Variants in RBM19 observed in about 807,000 individuals in gnomAD.
The protein encoded by RBM19 is probable RNA-binding protein 19.
Under a neutral mutation model 116.8 loss-of-function variants are expected in RBM19, and 94 were observed. That is an observed-to-expected ratio of 0.80 (90% CI 0.68 to 0.95). The LOEUF (loss-of-function observed/expected upper bound fraction) is 0.95. Ranked by LOEUF, RBM19 falls within the 40% of genes least tolerant of loss-of-function variation. The pLI is 0.00. For synonymous variants in RBM19, 475 were observed against 494.1 expected, an observed-to-expected ratio of 0.96 and a Z score of 0.51; for missense variants, 1,161 against 1,220.7, an observed-to-expected ratio of 0.95 and a Z score of 0.73.
At chr12:113,926,915 A>G (rs1386928367) in intron 17 of RBM19, 139 bp downstream of exon 17, 4 of 996,910 alleles carry the variant, frequency 4.0e-6, no homozygotes, top group African/African-American at 3.2e-5. Context: ...GAAAGGGTCA[A>G]GTAGGTGGTG....
intron 16 of RBM19, among the ~76,000 whole-genome samples, chr12:113,930,381 G>T (rs1366764837): frequency 6.6e-6 from 1 of 152,200 alleles, no homozygotes. Flanking sequence ...CTGGTGTGCT[G>T]CAAAGGGCAT....
Position 113,944,093 on chromosome 12 carries a change from GTTTTT to G in RBM19, c.1627-1664_1627-1660del, listed in dbSNP as rs71433305. On this transcript the variant is annotated intron_variant, in intron 13 of 23. Transcript: ENST00000261741. ...CAGCTGCCTCTAACTCCAGATGCAT[GTTTTT>G]TTTTTTTTTTTTTTTTTTTGGGGCA... Among the ~76,000 whole-genome samples the G allele has an allele frequency of 7.5e-3, 507 of 67,680 alleles. 7 individuals carry two copies. Among genetic ancestry groups the G allele is most frequent in the African/African-American group, 0.028 (445 of 15,890 alleles). The allele number at this position is 67,680 out of a possible 152,430, so 44.4% of individuals were successfully genotyped here.
At chr12:113,844,521 C>T in intron 23 of RBM19, 147 bp downstream of exon 23, 1 of 1,129,692 alleles carries the variant, frequency 8.9e-7, no homozygotes, top group Non-Finnish European at 1.2e-6. Flanking sequence ...TCTGGAGGGG[C>T]TGTGGGAGGA....
intron 20 of RBM19, among the ~76,000 whole-genome samples, chr12:113,915,424 G>A (rs1403496743): frequency 6.6e-6 from 1 of 152,168 alleles, no homozygotes; most frequent in Non-Finnish European, 1.5e-5. Flanking sequence ...CAGTTGCAAA[G>A]AAAGACCCCA....
In RBM19 at chr12:113,823,204, C is replaced by T. The variant is rs1284985138; in HGVS notation, c.*20G>A. The T allele has an allele frequency of 4.4e-6, 7 of 1,604,346 alleles. No individual in the cohort carries two copies. Among genetic ancestry groups the T allele is most frequent in the Non-Finnish European group, 5.9e-6 (7 of 1,177,978 alleles). ...CCCGGTCCCCAGGGCCCCGGAGCCA[C>T]ACACCCTCTCGGTGCCAGCTCACAG... On this transcript the variant is annotated 3_prime_UTR_variant, in exon 24 of 24. Transcript: ENST00000261741.
intron 22 of RBM19, among the ~76,000 whole-genome samples, chr12:113,853,569 G>A (rs181103473): frequency 5.9e-5 from 9 of 152,334 alleles, no homozygotes; most frequent in East Asian, 3.9e-4. Flanking sequence ...TTCCCCTTCC[G>A]TGTTGCCCTT....
intron 22 of RBM19, among the ~76,000 whole-genome samples, chr12:113,852,917 G>A (rs1242703719): frequency 6.6e-6 from 1 of 152,232 alleles, no homozygotes; most frequent in Non-Finnish European, 1.5e-5. Flanking sequence ...AATAGCGATG[G>A]TTTACTGTGC....
intron 23 of RBM19, among the ~76,000 whole-genome samples, chr12:113,844,044 G>A (rs79700846): frequency 9.8e-4 from 150 of 152,344 alleles, no homozygotes; most frequent in Non-Finnish European, 1.7e-3. Flanking sequence ...TGAGCCTAGG[G>A]CCCTGCTTGG....
chr12:113,870,239 G>A (rs1254454292), intron 21 of RBM19, among the ~76,000 whole-genome samples: 4 of 152,198 alleles, frequency 2.6e-5, no homozygotes, highest in African/African-American at 9.7e-5. Flanking sequence ...GCTGCCTGCT[G>A]CCTGCTGATG....
intron 23 of RBM19, among the ~76,000 whole-genome samples, chr12:113,837,426 C>T (rs1876061200): frequency 6.6e-6 from 1 of 152,184 alleles, no homozygotes; most frequent in South Asian, 2.1e-4. Context: ...AGAGTGAGTG[C>T]CCCGAAGGAC....
At position 113,950,159 on chromosome 12, in the gene RBM19, C is replaced by CA; in HGVS notation, c.1001-6dup. On this transcript the variant is annotated splice_polypyrimidine_tract_variant and splice_region_variant and intron_variant, in intron 8 of 23. Transcript: ENST00000261741. ...TGAAATCCACAAAGATGTATCCTGA[C>CA]AGAGGACAATGACAGAGGTAAAATC... The CA allele has an allele frequency of 6.2e-7, 1 of 1,604,220 alleles. No individual in the cohort carries two copies. Among genetic ancestry groups the CA allele is most frequent in the Non-Finnish European group, 8.5e-7 (1 of 1,171,356 alleles).
rs1311745880 is a variant in RBM19 at position 113,947,477 on chromosome 12, G to A, written c.1277-13C>T. The A allele has an allele frequency of 1.3e-6, 2 of 1,587,316 alleles. No individual in the cohort carries two copies. Among genetic ancestry groups the A allele is most frequent in the South Asian group, 2.2e-5 (2 of 89,598 alleles). On this transcript the variant is annotated splice_polypyrimidine_tract_variant and intron_variant, in intron 10 of 23. Coordinates refer to ENST00000261741, the MANE Select transcript of RBM19 (RefSeq NM_016196.4). ...TCAGACAGGGGACCTGAGGACAGGA[G>A]AAGTGTCGGTCTCTGGTAGGCCGCA...
At chr12:113,862,327 C>T (rs774987338) in intron 21 of RBM19, among the ~76,000 whole-genome samples, 2 of 152,132 alleles carry the variant, frequency 1.3e-5, no homozygotes, top group Non-Finnish European at 2.9e-5. Flanking sequence ...CTTTCTCATC[C>T]GGGCTGCTTC....
intron 15 of RBM19, among the ~76,000 whole-genome samples, chr12:113,938,235 T>C (rs1365917334): frequency 6.6e-6 from 1 of 152,120 alleles, no homozygotes; most frequent in Non-Finnish European, 1.5e-5. Flanking sequence ...TTCCAAAGGA[T>C]GCTCACATCT....
intron 16 of RBM19, among the ~76,000 whole-genome samples, chr12:113,928,070 C>T (rs1017915953): frequency 2.0e-5 from 3 of 152,150 alleles, no homozygotes; most frequent in African/African-American, 7.2e-5. Flanking sequence ...GGTGCGGTGG[C>T]TCATGCCTGT....
chr12:113,830,971 A>G (rs939201497), intron 23 of RBM19, among the ~76,000 whole-genome samples: 4 of 152,186 alleles, frequency 2.6e-5, no homozygotes, highest in African/African-American at 9.6e-5. Flanking sequence ...GATGGCATCA[A>G]ACAGTCCAGG....
chr12:113,886,285 A>C (rs576210417), intron 21 of RBM19, among the ~76,000 whole-genome samples: 49 of 152,220 alleles, frequency 3.2e-4, no homozygotes, highest in Non-Finnish European at 5.4e-4. Flanking sequence ...GGCATGCACC[A>C]CCATGCCCGG....
At chr12:113,910,034 C>T (rs979445097) in intron 21 of RBM19, among the ~76,000 whole-genome samples, 5 of 152,176 alleles carry the variant, frequency 3.3e-5, no homozygotes, top group African/African-American at 1.2e-4. Flanking sequence ...ATCACCAGAA[C>T]TGACTCTTCA....
At position 113,949,055 on chromosome 12, in the gene RBM19, A is replaced by C. The variant is rs1361908755; in HGVS notation, c.1073-19T>G. 32 of 1,602,438 alleles carry C rather than the reference A, an allele frequency of 2.0e-5. No homozygotes were observed. Among genetic ancestry groups the C allele is most frequent in the Non-Finnish European group, 2.7e-5 (32 of 1,171,606 alleles). On this transcript the variant is annotated intron_variant, in intron 9 of 23. Transcript: ENST00000261741. ...CGCCCACCTGCAATGAAGAGGAGTC[A>C]GGGCTCCAGGGGGAGGCCTAGAACT...
Sources: gnomAD v4.1 joint callset for allele counts (sites outside exome capture counted in the v4.1 genomes callset) on GRCh38, gnomAD v4.1.1 for gene constraint, MANE v1.5 for transcripts, NCBI Gene and HGNC (gene_info 2026-07-23, HGNC 2026-07-21) for gene names.